Variants in SYNPO observed in about 807,000 individuals in gnomAD.
SYNPO encodes synaptopodin.
In SYNPO, 19 loss-of-function variants were observed where a neutral mutation model predicts 49.5. That is an observed-to-expected ratio of 0.38 (90% CI 0.27 to 0.56). SYNPO has a LOEUF of 0.56. Among genes scored for constraint, SYNPO ranks in the 20% least tolerant of loss-of-function variants. The pLI, the probability that SYNPO is intolerant of heterozygous loss-of-function variation, is 0.68. For missense variants in SYNPO, 1,131 were observed against 1,248.3 expected, an observed-to-expected ratio of 0.91 and a Z score of 1.42; for synonymous variants, 536 against 548.0, an observed-to-expected ratio of 0.98 and a Z score of 0.31.
chr5:150,586,024 C>T, the SYNPO span, among the ~76,000 whole-genome samples: 1 of 152,214 alleles, frequency 6.6e-6, no homozygotes, highest in African/African-American at 2.4e-5. Context: ...CTGCCAGGGG[C>T]CGGCACAAGT....
rs368096882 is a variant in SYNPO at position 150,616,469 on chromosome 5, T to C, written c.-265-1634T>C. ...TCTAGGGTTTCCTCCCAAGTGTAAT[T>C]GGCCATCTGCTCTGTCTTACGCACT... On this transcript the variant is annotated intron_variant, in intron 1 of 2. Transcript: ENST00000394243. Among the ~76,000 whole-genome samples, 4 of 152,348 alleles carry C rather than the reference T, an allele frequency of 2.6e-5. No individual in the cohort carries two copies. The South Asian group carries it at 8.3e-4, about 32-fold the overall frequency.
In SYNPO at chr5:150,657,700, C is replaced by T. The variant is rs1273040470; in HGVS notation, c.*613C>T. 6.5e-6 allele frequency: 1 copy of T among 152,762 alleles called. No homozygotes were observed. The highest frequency in any genetic ancestry group is 2.4e-5 in the African/African-American group (1 of 41,444). 9.5% of individuals were successfully genotyped at this position (152,762 alleles called of 1,614,324 possible). A position where few individuals can be genotyped will look rare whatever the true frequency, so the allele number is the denominator to read the frequency against. On this transcript the variant is annotated 3_prime_UTR_variant, in exon 3 of 3. Coordinates refer to ENST00000307662, the MANE Select transcript of SYNPO (RefSeq NM_007286.6). Reference sequence around the variant, plus strand: ...AGGCAGGAGCAGCTGTTTTCCATCCCTTCCCAGACAAGCTCTATTTTTATC... The same window carrying T: ...AGGCAGGAGCAGCTGTTTTCCATCCTTTCCCAGACAAGCTCTATTTTTATC...
At position 150,649,880 on chromosome 5, in the gene SYNPO, C is replaced by T. The variant is rs760321904; in HGVS notation, c.1605C>T (p.Ser535=). The change falls in exon 2 of 3, where the codon AGC becomes AGT. Residue 535 remains serine (S), a synonymous_variant. Coordinates refer to ENST00000307662, the MANE Select transcript of SYNPO (RefSeq NM_007286.6). ...GGGCCTTCCGAGTGGCATCCCGAAG[C>T]CCAGCCCGGACCCCGCCTGCCTCCC... ...APGAFRVASR[S]PARTPPASLY... The T allele has an allele frequency of 5.0e-6, 8 of 1,609,782 alleles. No homozygotes were observed. The South Asian group carries it at 6.6e-5, about 13-fold the overall frequency.
At chr5:150,620,925 C>CTTTCTTTCTT (rs1235761862) in intron 2 of SYNPO, among the ~76,000 whole-genome samples, 3 of 134,178 alleles carry the variant, frequency 2.2e-5, no homozygotes, top group East Asian at 2.1e-4. Flanking sequence ...TTCTTTCTTT[C>CTTTCTTTCTT]TTTCTTTCTT....
At chr5:150,592,828 G>A in the SYNPO span, among the ~76,000 whole-genome samples, 2 of 152,204 alleles carry the variant, frequency 1.3e-5, no homozygotes, top group African/African-American at 2.4e-5. Flanking sequence ...AGATGGAAAA[G>A]GGCTTTTAAG....
intron 1 of SYNPO, among the ~76,000 whole-genome samples, chr5:150,612,978 T>C (rs1223880157): frequency 3.3e-5 from 5 of 152,108 alleles, no homozygotes; most frequent in Non-Finnish European, 7.4e-5. Flanking sequence ...GGGGTCTCAC[T>C]ATGTTGCTCA....
chr5:150,643,572 T>TTC (rs1343435621), intron 1 of SYNPO, among the ~76,000 whole-genome samples: 1 of 152,190 alleles, frequency 6.6e-6, no homozygotes, highest in African/African-American at 2.4e-5. Flanking sequence ...TGTCGCTCTG[T>TTC]TGCCCAGGCT....
chr5:150,650,905 G>A, intron 2 of SYNPO: 1 of 1,253,662 alleles, frequency 8.0e-7, no homozygotes, highest in Non-Finnish European at 1.0e-6. Context: ...CGCTGCTTCA[G>A]AGAGCTTTGC....
chr5:150,624,828 C>G, intron 2 of SYNPO: 1 of 981,846 alleles, frequency 1.0e-6, no homozygotes, highest in Non-Finnish European at 1.2e-6. Flanking sequence ...GACCTCGGGG[C>G]GGGGCGCGCT....
chr5:150,637,900 T>C (rs28491992), upstream of SYNPO, among the ~76,000 whole-genome samples: 2 of 151,690 alleles, frequency 1.3e-5, no homozygotes, highest in East Asian at 3.9e-4. Flanking sequence ...CCCAAGGAGT[T>C]GGGGGCAGTT....
At chr5:150,653,014 G>GTTTGACTGTGTTCTAC (rs1163770067) in intron 2 of SYNPO, 1 of 152,180 alleles carries the variant, frequency 6.6e-6, no homozygotes, top group Non-Finnish European at 1.5e-5. Flanking sequence ...GACAGTCCAG[G>GTTTGACTGTGTTCTAC]TTTGACTGTG....
upstream of SYNPO, among the ~76,000 whole-genome samples, chr5:150,600,215 G>T (rs1756496598): frequency 6.6e-6 from 1 of 152,266 alleles, no homozygotes; most frequent in Admixed American, 6.5e-5. Flanking sequence ...TTCCAGGTCT[G>T]TTGGGATCTG....
chr5:150,600,647 C>T (rs1756505063), upstream of SYNPO, among the ~76,000 whole-genome samples: 1 of 152,090 alleles, frequency 6.6e-6, no homozygotes, highest in Non-Finnish European at 1.5e-5. Context: ...GGCTGGATTC[C>T]AGGGGCTTGC....
chr5:150,596,656 G>T (rs944882800), upstream of SYNPO, among the ~76,000 whole-genome samples: 1 of 152,036 alleles, frequency 6.6e-6, no homozygotes, highest in Non-Finnish European at 1.5e-5. Flanking sequence ...AGAGATGAAG[G>T]TTCCTGGGCC....
At position 150,648,536 on chromosome 5, in the gene SYNPO, C is replaced by T; in HGVS notation, c.261C>T (p.Ser87=). The T allele has an allele frequency of 6.2e-7, 1 of 1,614,186 alleles. No homozygotes were observed. Among genetic ancestry groups the T allele is most frequent in the Non-Finnish European group, 8.5e-7 (1 of 1,180,030 alleles). ...CGCTCACCACACCAACTTCTAACAGCAGCCACAATCCGCCAGCCACCGATG... is the reference window on the plus strand; with the variant it reads ...CGCTCACCACACCAACTTCTAACAGTAGCCACAATCCGCCAGCCACCGATG... The part of the protein sequence containing the change: ...SATLTTPTSN[S]SHNPPATDVN... The change falls in exon 2 of 3, where the codon AGC becomes AGT. Residue 87 remains serine, a synonymous_variant. Transcript: ENST00000307662. This position sits in a 1 kb window ranked among gnomAD's most constrained non-coding sequence, Gnocchi z 5.0.
At position 150,647,989 on chromosome 5, in the gene SYNPO, C is replaced by T. The variant is rs1758167385; in HGVS notation, c.-287C>T. The T allele has an allele frequency of 1.3e-6, 2 of 1,551,740 alleles. No homozygotes were observed. The highest frequency in any genetic ancestry group is 2.7e-5 in the African/African-American group (2 of 73,038). ...CTCACGGAGAAGGATCTGAAAGAAG[C>T]CAAGGCGCGGAGCCAGCAGATTGCA... is the stretch of plus-strand genomic sequence containing the variant. On this transcript the variant is annotated 5_prime_UTR_variant, in exon 2 of 3. Coordinates refer to ENST00000307662, the MANE Select transcript of SYNPO (RefSeq NM_007286.6).
At chr5:150,625,037 G>A in intron 2 of SYNPO, 1 of 932,422 alleles carries the variant, frequency 1.1e-6, no homozygotes, top group Non-Finnish European at 1.3e-6. Context: ...CACGCGGGGT[G>A]ACCTTGGCCA....
intron 2 of SYNPO, chr5:150,618,813 A>AC (rs769316515): frequency 1.3e-6 from 2 of 1,548,490 alleles, no homozygotes; most frequent in African/African-American, 2.7e-5. Context: ...GTCACTGGAG[A>AC]CCCCCCAGGT....
chr5:150,625,274 G>C (rs1252669649), intron 2 of SYNPO, among the ~76,000 whole-genome samples: 4 of 152,242 alleles, frequency 2.6e-5, no homozygotes, highest in Non-Finnish European at 5.9e-5. Flanking sequence ...GTCTCCCCAA[G>C]CCCGTTCTGG....
Sources: allele counts gnomAD v4.1 joint callset (sites outside exome capture counted in the v4.1 genomes callset), GRCh38; gene constraint gnomAD v4.1.1; non-coding constraint Gnocchi (gnomAD v3.1); transcripts MANE v1.5; gene names NCBI Gene and HGNC (gene_info 2026-07-23, HGNC 2026-07-21).